The following GOSR2 variants were observed in gnomAD, a reference collection of about 807,000 sequenced individuals.
GOSR2 encodes golgi SNAP receptor complex member 2.
A neutral mutation model predicts 27.9 loss-of-function variants in GOSR2; 20 were observed. The ratio of observed to expected loss-of-function variants is 0.72; its 90% confidence interval spans 0.50 to 1.04. The LOEUF is 1.04. GOSR2 is among the 50% of genes least tolerant of loss of function. The probability of loss-of-function intolerance (pLI) is 0.00; values close to 1 mark genes in which losing one functional copy is unlikely to be tolerated. For synonymous variants in GOSR2, 91 were observed against 98.8 expected (o/e 0.92, Z 0.47); for missense variants, 261 against 270.5 (o/e 0.97, Z 0.25).
chr17:46,971,829 T>C (rs1411882621), downstream of GOSR2, among the ~76,000 whole-genome samples: 1 of 152,220 alleles, frequency 6.6e-6, no homozygotes, highest in Non-Finnish European at 1.5e-5. Flanking sequence ...AACATGTGTT[T>C]GTTCTGTGTG....
chr17:46,949,302 C>T (rs1210389874), intron 6 of GOSR2: 1 of 152,390 alleles, frequency 6.6e-6, no homozygotes, highest in African/African-American at 2.4e-5. Context: ...CACGGCTTCT[C>T]CATGGGACCA....
intron 2 of GOSR2, 36 bp downstream of exon 2, chr17:46,929,620 C>G (rs2087005217): frequency 9.7e-7 from 1 of 1,032,450 alleles, no homozygotes; most frequent in Non-Finnish European, 1.5e-6. Flanking sequence ...AGTCCTTTCT[C>G]TGATGACAGG....
At chr17:46,925,734 G>A (rs1346149342) in intron 1 of GOSR2, among the ~76,000 whole-genome samples, 1 of 152,114 alleles carries the variant, frequency 6.6e-6, no homozygotes, top group Non-Finnish European at 1.5e-5. Context: ...CTGGAACTTT[G>A]AACCCAGTTT....
chr17:46,943,448 C>T (rs2089529120), downstream of GOSR2, among the ~76,000 whole-genome samples: 1 of 152,190 alleles, frequency 6.6e-6, no homozygotes, highest in South Asian at 2.1e-4. Flanking sequence ...TACAGCTGCA[C>T]CTTTGCACAA....
chr17:46,952,998 G>A (rs986884100), intron 6 of GOSR2, among the ~76,000 whole-genome samples: 2 of 151,818 alleles, frequency 1.3e-5, no homozygotes, highest in African/African-American at 2.4e-5. Flanking sequence ...ATGACTCTGA[G>A]CCCCCCAAAT....
In GOSR2 at chr17:46,940,898, A is replaced by G. The variant is rs2089180149; in HGVS notation, c.*2138A>G. 6 of 1,373,610 alleles carry G rather than the reference A, an allele frequency of 4.4e-6. No homozygotes were observed. The highest frequency in any genetic ancestry group is 5.7e-6 in the Non-Finnish European group (6 of 1,060,918). 85.1% of individuals were successfully genotyped at this position (1,373,610 alleles called of 1,614,324 possible). ...TTGTCACATGACCACTTCTCTTCAC[A>G]CATCTGCTTTCAGTGCCTGGTGAAA... On this transcript the variant is annotated 3_prime_UTR_variant, in exon 6 of 6. Coordinates refer to ENST00000640051, the MANE Select transcript of GOSR2 (RefSeq NM_004287.5).
chr17:46,929,268 G>A (rs2086946462), intron 1 of GOSR2, among the ~76,000 whole-genome samples: 1 of 152,126 alleles, frequency 6.6e-6, no homozygotes, highest in Non-Finnish European at 1.5e-5. Context: ...TTCCTCATAG[G>A]GTTATTGATT....
intron 1 of GOSR2, chr17:46,923,913 G>C: frequency 2.5e-6 from 1 of 396,012 alleles, no homozygotes; most frequent in Non-Finnish European, 4.4e-6. Flanking sequence ...GGGGCGGGGG[G>C]CAGAATTATG....
chr17:46,939,928 A>G lies in GOSR2; in HGVS notation c.*1168A>G, dbSNP rs189647673. ...TGGTTAGTGTATGTTCTCATTTACC[A>G]CAGGCCTACCAGCCCTGGGCACAGC... is the stretch of plus-strand genomic sequence containing the variant. On this transcript the variant is annotated 3_prime_UTR_variant, in exon 6 of 6. Coordinates refer to ENST00000640051, the MANE Select transcript of GOSR2 (RefSeq NM_004287.5). The G allele has an allele frequency of 1.4e-4, 137 of 1,001,042 alleles. No individual in the cohort carries two copies. The highest frequency in any genetic ancestry group is 2.6e-4 in the Admixed American group (5 of 19,476). The allele number at this position is 1,001,042 out of a possible 1,614,324, so 62.0% of individuals were successfully genotyped here.
At chr17:46,959,504 G>A (rs1257809102) in intron 6 of GOSR2, among the ~76,000 whole-genome samples, 2 of 152,108 alleles carry the variant, frequency 1.3e-5, no homozygotes, top group African/African-American at 2.4e-5. Context: ...CAAAGGAAAA[G>A]GTTCTTCTGG....
chr17:46,935,500 TG>T, intron 5 of GOSR2: 1 of 1,334,098 alleles, frequency 7.5e-7, no homozygotes, highest in Non-Finnish European at 9.6e-7. Flanking sequence ...AATCTACTCT[TG>T]GAAGAATGAA....
At position 46,940,035 on chromosome 17, in the gene GOSR2, T is replaced by C. The variant is rs1396588321; in HGVS notation, c.*1275T>C. The C allele has an allele frequency of 1.9e-6, 2 of 1,051,046 alleles. No individual in the cohort carries two copies. The allele number at this position is 1,051,046 out of a possible 1,614,324, so 65.1% of individuals were successfully genotyped here. A position where few individuals can be genotyped will look rare whatever the true frequency, so the allele number is the denominator to read the frequency against. ...TCAGTATTAACCCTACCTTTGGTTG[T>C]CCTGCCCTACCTGCTCTGTTAGTTT... On this transcript the variant is annotated 3_prime_UTR_variant, in exon 6 of 6. Coordinates refer to ENST00000640051, the MANE Select transcript of GOSR2 (RefSeq NM_004287.5).
chr17:46,969,492 G>A (rs558393983), downstream of GOSR2, among the ~76,000 whole-genome samples: 1 of 152,330 alleles, frequency 6.6e-6, no homozygotes, highest in East Asian at 1.9e-4. Flanking sequence ...GCCCCACCCT[G>A]CAGAGGGGCC....
intron 6 of GOSR2, among the ~76,000 whole-genome samples, chr17:46,951,372 C>G (rs190194114): frequency 1.1e-3 from 175 of 152,310 alleles, no homozygotes; most frequent in Non-Finnish European, 2.2e-3. Flanking sequence ...CCTTACCCAT[C>G]AATTTCATCC....
At chr17:46,965,415 C>T (rs16941373) in intron 6 of GOSR2, among the ~76,000 whole-genome samples, 5,517 of 152,246 alleles carry the variant, frequency 0.036, 188 homozygotes, top group African/African-American at 0.092. Context: ...TCTGTGGCAC[C>T]CCAGGGCTCC....
Position 46,938,821 on chromosome 17 carries a change from A to G in GOSR2, c.*61A>G, listed in dbSNP as rs1423713817. The G allele has an allele frequency of 6.2e-7, 1 of 1,609,784 alleles. No individual in the cohort carries two copies. Among genetic ancestry groups the G allele is most frequent in the Non-Finnish European group, 8.5e-7 (1 of 1,178,862 alleles). On this transcript the variant is annotated 3_prime_UTR_variant, in exon 6 of 6. Coordinates refer to ENST00000640051, the MANE Select transcript of GOSR2 (RefSeq NM_004287.5). ...AGCCTGCAAGTGTGTGTGTGTGTGA[A>G]AGAGAGAGGGGGGCCCAGAGGCCGC...
chr17:46,948,933 C>T (rs1024768357), intron 6 of GOSR2: 2 of 152,232 alleles, frequency 1.3e-5, no homozygotes, highest in South Asian at 2.1e-4. Context: ...TTCATCCATT[C>T]TTTCGATAGC....
chr17:46,974,075 A>G (rs1170676790), intron 6 of GOSR2, among the ~76,000 whole-genome samples: 1 of 152,196 alleles, frequency 6.6e-6, no homozygotes, highest in African/African-American at 2.4e-5. Context: ...AGCCCTCCCT[A>G]CTTCCCCCGT....
At chr17:46,930,638 C>G (rs546815857) in intron 2 of GOSR2, 1 of 152,388 alleles carries the variant, frequency 6.6e-6, no homozygotes, top group Non-Finnish European at 1.4e-5. Flanking sequence ...ACTAATCTTC[C>G]CCTTCCTTTA....
Sources: gnomAD v4.1 joint callset for allele counts (sites outside exome capture counted in the v4.1 genomes callset) on GRCh38, gnomAD v4.1.1 for gene constraint, MANE v1.5 for transcripts, NCBI Gene and HGNC (gene_info 2026-07-23, HGNC 2026-07-21) for gene names.